The following TECPR1 variants were observed in gnomAD, a reference collection of about 807,000 sequenced individuals.
The protein encoded by TECPR1 is tectonin beta-propeller repeat containing 1.
Under a neutral mutation model 162.4 loss-of-function variants are expected in TECPR1, and 122 were observed. The ratio of observed to expected loss-of-function variants is 0.75; its 90% CI spans 0.65 to 0.87. The LOEUF (loss-of-function observed/expected upper bound fraction) is 0.87. TECPR1 is among the 40% of genes least tolerant of loss of function. The pLI, the probability that TECPR1 is intolerant of heterozygous loss-of-function variation, is 0.00. For missense variants in TECPR1, 1,432 were observed against 1,618.2 expected (o/e 0.88, Z 1.97); for synonymous variants, 642 against 670.6 (o/e 0.96, Z 0.66).
intron 5 of TECPR1, among the ~76,000 whole-genome samples, chr7:98,243,889 C>G (rs1798832974): frequency 6.6e-6 from 1 of 152,148 alleles, no homozygotes; most frequent in South Asian, 2.1e-4. Flanking sequence ...GCCATCACAC[C>G]CAGCCTCTAC....
At chr7:98,244,501 G>C in intron 5 of TECPR1, 70 bp downstream of exon 5, 1 of 1,530,906 alleles carries the variant, frequency 6.5e-7, no homozygotes, top group South Asian at 1.3e-5. Context: ...GGGGAAGGTG[G>C]AGAGGAGGCT....
Position 98,245,909 on chromosome 7 carries a change from T to G in TECPR1, c.225+13A>C. The G allele has an allele frequency of 6.3e-7, 1 of 1,584,242 alleles. No homozygotes were observed. The highest frequency in any genetic ancestry group is 8.6e-7 in the Non-Finnish European group (1 of 1,165,672). ...CTGACCCGCTCGGCAACTCCAACCATGAGGGTCACTACCTGATTCTCATAG... is the reference window on the plus strand; with the variant it reads ...CTGACCCGCTCGGCAACTCCAACCAGGAGGGTCACTACCTGATTCTCATAG... On this transcript the variant is annotated intron_variant, in intron 3 of 25. Transcript: ENST00000447648.
intron 10 of TECPR1, among the ~76,000 whole-genome samples, chr7:98,234,595 T>C (rs1798542577): frequency 1.3e-5 from 2 of 152,166 alleles, no homozygotes; most frequent in South Asian, 4.1e-4. Context: ...GGGTTTCATG[T>C]CTTGAGGAAT....
chr7:98,221,080 T>C (rs1286648983), intron 23 of TECPR1, among the ~76,000 whole-genome samples: 1 of 150,404 alleles, frequency 6.6e-6, no homozygotes, highest in African/African-American at 2.4e-5. Flanking sequence ...GGTGGGCAGG[T>C]CACTTGAGGT....
At chr7:98,218,166 G>A (rs1281716464) in intron 23 of TECPR1, 124 bp from the exon 24 acceptor site, 4 of 737,050 alleles carry the variant, frequency 5.4e-6, no homozygotes, top group Non-Finnish European at 9.1e-6. Context: ...CTGCTGGGGA[G>A]GCAGGAGGGT....
At chr7:98,245,235 C>T in intron 3 of TECPR1, 168 bp from the exon 4 acceptor site, 1 of 684,090 alleles carries the variant, frequency 1.5e-6, no homozygotes, top group South Asian at 1.9e-5. Context: ...AACTGGGGAC[C>T]CCCATGCCAC....
At chr7:98,234,952 G>A (rs1324752400) in intron 10 of TECPR1, among the ~76,000 whole-genome samples, 1 of 152,030 alleles carries the variant, frequency 6.6e-6, no homozygotes, top group Admixed American at 6.6e-5. Context: ...GGGCTTAAGC[G>A]ATCCACCCAC....
rs1798457147 is a variant in TECPR1, at chr7:98,232,012, G to A, written c.1819-53C>T. The stretch of plus-strand genomic sequence containing the variant: ...TCACAGGCAGGCCCGGGGTGCCAGG[G>A]GAGGAGGGCGGGGCTGGGGGTGCCC... On this transcript the variant is annotated intron_variant, in intron 12 of 25. Transcript: ENST00000447648. The surrounding 1 kb of genome is among the most constrained non-coding windows in gnomAD (Gnocchi z 4.6). 1 of 1,542,360 alleles carries A rather than the reference G, an allele frequency of 6.5e-7. No homozygotes were observed. The highest frequency in any genetic ancestry group is 1.4e-5 in the African/African-American group (1 of 73,752).
At position 98,223,040 on chromosome 7, in the gene TECPR1, C is replaced by T. The variant is rs528093903; in HGVS notation, c.2878G>A (p.Asp960Asn). 3 of 1,610,766 alleles carry T rather than the reference C, an allele frequency of 1.9e-6. No individual in the cohort carries two copies. Among genetic ancestry groups the T allele is most frequent in the African/African-American group, 1.3e-5 (1 of 74,996 alleles). ...AGGCGGCACAGCACATCCCCCTTGT[C>T]GCTGACGGCCCAGAGGGCGATGCTG... Reference protein sequence around the residue: ...GHSIALWAVSDKGDVLCRLGV... With the variant: ...GHSIALWAVSNKGDVLCRLGV... The change falls in exon 21 of 26, where the codon GAC becomes AAC. Residue 960 changes from aspartate to asparagine, a missense_variant. Asp to Asn is a conservative substitution (Grantham distance 23). Transcript: ENST00000447648.
chr7:98,242,114 A>G (rs1798765696), intron 6 of TECPR1, among the ~76,000 whole-genome samples: 1 of 152,210 alleles, frequency 6.6e-6, no homozygotes, highest in African/African-American at 2.4e-5. Context: ...AGCAGGGCTG[A>G]GGAAGCAACT....
rs376508619 is a variant in TECPR1 at position 98,246,119 on chromosome 7, C to T, written c.28G>A (p.Asp10Asn). Residue 10 changes from aspartate (D) to asparagine (N), a missense_variant, in exon 3 of 26, where the codon GAC (aspartate) becomes AAC (asparagine). Physicochemically the swap from Asp to Asn is conservative, Grantham distance 23. Transcript: ENST00000447648. The stretch of plus-strand genomic sequence containing the variant: ...AGCGTGTACACTCTCCCGAAGAGGT[C>T]CACCGCCCACAGCACTGAGTTGGGC... Reference protein sequence around the residue: MPNSVLWAVDLFGRVYTLST... With the variant: MPNSVLWAVNLFGRVYTLST... 1.1e-5 allele frequency: 17 copies of T among 1,551,622 alleles called. No homozygotes were observed. The African/African-American group carries it at 1.8e-4, about 16-fold the overall frequency.
intron 8 of TECPR1, among the ~76,000 whole-genome samples, chr7:98,239,591 C>T (rs1210946442): frequency 2.0e-5 from 3 of 151,992 alleles, no homozygotes; most frequent in Non-Finnish European, 2.9e-5. Context: ...CAATGTTGCC[C>T]ATTTAATCCA....
intron 15 of TECPR1, 68 bp downstream of exon 15, chr7:98,230,893 C>T: frequency 1.3e-6 from 2 of 1,550,072 alleles, no homozygotes; most frequent in Admixed American, 1.9e-5. Context: ...CTCTGGATCC[C>T]CCTTCTGTAA....
In TECPR1 at chr7:98,223,057, G is replaced by A. The variant is rs1450542301; in HGVS notation, c.2861C>T (p.Ala954Val). 6.2e-7 allele frequency: 1 copy of A among 1,607,688 alleles called. No homozygotes were observed. Among genetic ancestry groups the A allele is most frequent in the Admixed American group, 1.7e-5 (1 of 59,318 alleles). ...CCCCTTGTCGCTGACGGCCCAGAGG[G>A]CGATGCTGTGCCCACTCCCCTCGGC... ...PGAEGSGHSI[A>V]LWAVSDKGDV... is the part of the protein sequence containing the mutation. The change falls in exon 21 of 26, where the codon GCC becomes GTC. Residue 954 changes from alanine (A) to valine (V), a missense_variant. Physicochemically the swap from Ala to Val is moderately conservative, Grantham distance 64 (BLOSUM62 0). Coordinates refer to ENST00000447648, the MANE Select transcript of TECPR1 (RefSeq NM_015395.3).
rs750811068 is a variant in TECPR1 at position 98,233,779 on chromosome 7, C to T, written c.1314G>A (p.Lys438=). Residue 438 remains lysine (K), a synonymous_variant, in exon 11 of 26, where the codon AAG becomes AAA. Transcript: ENST00000447648. ...ILPAEPLDDS[K]NATGNSASGL... is the part of the protein sequence containing the mutation. Reference sequence around the variant, plus strand: ...CTGAGGCTGAGTTCCCTGTGGCATTCTTGGAATCGTCTAGAGGTTCTGCAG... The same window carrying T: ...CTGAGGCTGAGTTCCCTGTGGCATTTTTGGAATCGTCTAGAGGTTCTGCAG... 1 of 1,612,220 alleles carries T rather than the reference C, an allele frequency of 6.2e-7. No individual in the cohort carries two copies. The highest frequency in any genetic ancestry group is 1.1e-5 in the South Asian group (1 of 90,906).
intron 19 of TECPR1, among the ~76,000 whole-genome samples, chr7:98,224,492 T>C (rs760469281): frequency 1.3e-5 from 2 of 150,648 alleles, no homozygotes; most frequent in Admixed American, 1.3e-4. Flanking sequence ...TGCCACCATC[T>C]GACCCTCCCA....
At chr7:98,240,101 T>G (rs1222365640) in intron 8 of TECPR1, among the ~76,000 whole-genome samples, 1 of 151,698 alleles carries the variant, frequency 6.6e-6, no homozygotes, top group Non-Finnish European at 1.5e-5. Context: ...AGAGCGACAC[T>G]CCGTCTCAAA....
intron 23 of TECPR1, among the ~76,000 whole-genome samples, chr7:98,221,287 A>C (rs67420939): frequency 0.32 from 48,884 of 151,902 alleles, 10,428 homozygotes; most frequent in Middle Eastern, 0.56. Context: ...GGGAGACAAG[A>C]GCGAAACTCC....
chr7:98,221,586 C>T lies in TECPR1; in HGVS notation c.3157+75G>A, dbSNP rs188251414. Reference sequence around the variant, plus strand: ...AGGTGATCCGCTGGCCTCGGCCTCCCAAAGTGCTGAGATTACAGGTGTGAG... The same window carrying T: ...AGGTGATCCGCTGGCCTCGGCCTCCTAAAGTGCTGAGATTACAGGTGTGAG... On this transcript the variant is annotated intron_variant, in intron 23 of 25. Coordinates refer to ENST00000447648, the MANE Select transcript of TECPR1 (RefSeq NM_015395.3). The T allele has an allele frequency of 1.8e-4, 252 of 1,393,924 alleles. 1 individual carries two copies. In the African/African-American group the frequency reaches 3.1e-3, roughly 17 times the overall value. 86.3% of individuals were successfully genotyped at this position (1,393,924 alleles called of 1,614,324 possible).
Sources: gnomAD v4.1 joint callset for allele counts (sites outside exome capture counted in the v4.1 genomes callset) on GRCh38, gnomAD v4.1.1 for gene constraint, Gnocchi (gnomAD v3.1) non-coding constraint, MANE v1.5 for transcripts, NCBI Gene and HGNC (gene_info 2026-07-23, HGNC 2026-07-21) for gene names.